Variants in LONP2 observed in about 807,000 individuals in gnomAD.
LONP2 encodes the protein lon protease homolog 2, peroxisomal.
A neutral mutation model predicts 85.6 loss-of-function variants in LONP2; 60 were observed. The observed-to-expected ratio is 0.70, with a 90% CI of 0.57 to 0.87. LONP2 has a LOEUF of 0.87. LONP2 is among the 40% of genes least tolerant of loss of function. LONP2 has a pLI of 0.00. For synonymous variants in LONP2, 395 were observed against 389.7 expected (o/e 1.01, Z -0.16); for missense variants, 860 against 1,063.5 (o/e 0.81, Z 2.66).
intron 14 of LONP2, among the ~76,000 whole-genome samples, chr16:48,348,794 C>T (rs1227260577): frequency 6.6e-6 from 1 of 152,082 alleles, no homozygotes; most frequent in Non-Finnish European, 1.5e-5. Context: ...ACATTCAGCC[C>T]ACGTTTCCCA....
At chr16:48,347,793 A>G in intron 13 of LONP2, 79 bp downstream of exon 13, 1 of 1,300,352 alleles carries the variant, frequency 7.7e-7, no homozygotes, top group South Asian at 1.3e-5. Flanking sequence ...TGAGCTCGAG[A>G]CTGCCAGTTA....
intron 4 of LONP2, among the ~76,000 whole-genome samples, chr16:48,260,747 A>G (rs903261084): frequency 2.4e-4 from 36 of 152,370 alleles, no homozygotes; most frequent in African/African-American, 8.4e-4. Flanking sequence ...AGGCCATTTG[A>G]CTTTGCACAG....
chr16:48,316,816 T>TC (rs951238080), intron 11 of LONP2, among the ~76,000 whole-genome samples: 1 of 152,218 alleles, frequency 6.6e-6, no homozygotes, highest in African/African-American at 2.4e-5. Flanking sequence ...TACCTTTTTT[T>TC]CCCCCTTGAT....
chr16:48,268,748 A>G (rs9928988), intron 6 of LONP2, among the ~76,000 whole-genome samples: 5,733 of 152,158 alleles, frequency 0.038, 347 homozygotes, highest in African/African-American at 0.13. Flanking sequence ...CTCCTACTTC[A>G]CTCACCTAGG....
At position 48,263,277 on chromosome 16, in the gene LONP2, T is replaced by C. The variant is rs55759468; in HGVS notation, c.982+405T>C. 5.5e-3 allele frequency among the ~76,000 whole-genome samples: 840 copies of C among 152,326 alleles called. 6 individuals are homozygous for C. Among genetic ancestry groups the C allele is most frequent in the African/African-American group, 0.019 (789 of 41,576 alleles). ...TGTTAGCGATAGGCACTTTTCTTTA[T>C]AGTAGATCTCTAGAACTTATTTATC... On this transcript the variant is annotated intron_variant, in intron 6 of 14. Transcript: ENST00000285737.
intron 11 of LONP2, among the ~76,000 whole-genome samples, chr16:48,312,673 G>T (rs1973058822): frequency 6.6e-6 from 1 of 152,176 alleles, no homozygotes; most frequent in Admixed American, 6.5e-5. Flanking sequence ...GTGGATGATG[G>T]TGGCAGCAGA....
chr16:48,281,208 A>G (rs564108250), intron 8 of LONP2, among the ~76,000 whole-genome samples: 1 of 152,304 alleles, frequency 6.6e-6, no homozygotes, highest in Admixed American at 6.5e-5. Context: ...CTTACTCTGA[A>G]TAAAGAATAA....
At chr16:48,340,494 C>G (rs530912595) in intron 12 of LONP2, among the ~76,000 whole-genome samples, 11 of 152,298 alleles carry the variant, frequency 7.2e-5, no homozygotes, top group African/African-American at 1.7e-4. Context: ...TTTTTACTTT[C>G]ATCGAAGATG....
At chr16:48,332,257 A>C (rs995783552) in intron 11 of LONP2, among the ~76,000 whole-genome samples, 1 of 152,220 alleles carries the variant, frequency 6.6e-6, no homozygotes, top group Non-Finnish European at 1.5e-5. Flanking sequence ...AAATGGAAGA[A>C]CCATAGCGAA....
intron 11 of LONP2, among the ~76,000 whole-genome samples, chr16:48,311,484 A>C: frequency 6.6e-6 from 1 of 151,418 alleles, no homozygotes; most frequent in East Asian, 1.9e-4. Context: ...TCCTTCAATG[A>C]ATTTTTTATT....
intron 12 of LONP2, chr16:48,336,630 G>T (rs1354704718): frequency 5.8e-6 from 2 of 344,998 alleles, no homozygotes; most frequent in Non-Finnish European, 1.1e-5. Flanking sequence ...GGGTCACAAG[G>T]TGCTCAGTTG....
intron 13 of LONP2, 98 bp downstream of exon 13, chr16:48,347,812 G>C: frequency 8.6e-7 from 1 of 1,158,596 alleles, no homozygotes; most frequent in Non-Finnish European, 1.2e-6. Flanking sequence ...TACACATCTA[G>C]CAAAGTACAC....
intron 8 of LONP2, among the ~76,000 whole-genome samples, chr16:48,277,816 T>C (rs898345855): frequency 6.6e-6 from 1 of 151,954 alleles, no homozygotes; most frequent in African/African-American, 2.4e-5. Flanking sequence ...CCATGCCTTC[T>C]TCTGCACTTT....
chr16:48,254,364 A>ATT (rs141945767), intron 2 of LONP2, among the ~76,000 whole-genome samples: 1 of 138,778 alleles, frequency 7.2e-6, no homozygotes, highest in Non-Finnish European at 1.6e-5. Flanking sequence ...TCCATCTCTG[A>ATT]TTTTTTTTTT....
rs889264813 is a variant in LONP2, at chr16:48,362,682, G to A, written c.*819G>A. 2 of 433,908 alleles carry A rather than the reference G, an allele frequency of 4.6e-6. No individual in the cohort carries two copies. The highest frequency in any genetic ancestry group is 4.3e-6 in the Non-Finnish European group (1 of 232,552). 26.9% of individuals were successfully genotyped at this position (433,908 alleles called of 1,614,324 possible). On this transcript the variant is annotated 3_prime_UTR_variant, in exon 5 of 5. Coordinates refer to the LONP2 transcript ENST00000565867. The surrounding 1 kb of genome is among the most constrained non-coding windows in gnomAD (Gnocchi z 4.2). ...GAAAACATGTGGAACTCCCTTAATC[G>A]TCTTTGGATAGACTACATAGAATAA...
At chr16:48,251,082 T>A (rs1971634756) in intron 1 of LONP2, among the ~76,000 whole-genome samples, 1 of 152,096 alleles carries the variant, frequency 6.6e-6, no homozygotes, top group Non-Finnish European at 1.5e-5. Context: ...ACGGAATGAG[T>A]AATTTATAAG....
chr16:48,324,371 C>G (rs149572574), intron 11 of LONP2, among the ~76,000 whole-genome samples: 1 of 152,190 alleles, frequency 6.6e-6, no homozygotes, highest in African/African-American at 2.4e-5. Context: ...AACATCTCCT[C>G]CTCACACATA....
At chr16:48,299,988 A>G (rs552642818) in intron 10 of LONP2, among the ~76,000 whole-genome samples, 200 bp downstream of exon 10, 8 of 138,824 alleles carry the variant, frequency 5.8e-5, no homozygotes, top group Non-Finnish European at 1.1e-4. Flanking sequence ...AAGTGTTATC[A>G]TAACTATTGA....
At chr16:48,244,962 C>T (rs1971274890) in intron 1 of LONP2, among the ~76,000 whole-genome samples, 1 of 152,180 alleles carries the variant, frequency 6.6e-6, no homozygotes, top group Non-Finnish European at 1.5e-5. Flanking sequence ...CAGGCCCTTT[C>T]TTTCTCCCCG....
Sources: allele counts gnomAD v4.1 joint callset (sites outside exome capture counted in the v4.1 genomes callset), GRCh38; gene constraint gnomAD v4.1.1; non-coding constraint Gnocchi (gnomAD v3.1); transcripts MANE v1.5; gene names NCBI Gene and HGNC (gene_info 2026-07-23, HGNC 2026-07-21).